The following DLG2 variants were observed in gnomAD, a reference collection of about 807,000 sequenced individuals.
DLG2 encodes the protein disks large homolog 2.
Under a neutral mutation model 132.5 loss-of-function variants are expected in DLG2, and 45 were observed. The ratio of observed to expected loss-of-function variants is 0.34; its 90% confidence interval spans 0.27 to 0.44. DLG2 has a LOEUF of 0.44. Ranked by LOEUF, DLG2 falls within the 20% of genes least tolerant of loss-of-function variation. The pLI is 1.00. For missense variants in DLG2, 1,045 were observed against 1,196.9 expected (o/e 0.87, Z 1.87); for synonymous variants, 424 against 419.6 (o/e 1.01, Z -0.13).
intron 15 of DLG2, among the ~76,000 whole-genome samples, chr11:83,927,917 A>C (rs1339287659): frequency 7.0e-6 from 1 of 142,478 alleles, no homozygotes; most frequent in Admixed American, 6.8e-5. Flanking sequence ...AAACATAGTA[A>C]GGATGACTCT....
intron 6 of DLG2, among the ~76,000 whole-genome samples, chr11:84,946,505 T>C (rs2050215571): frequency 6.6e-6 from 1 of 152,110 alleles, no homozygotes; most frequent in Admixed American, 6.5e-5. Context: ...CAGAAATCTC[T>C]TTCAGGAGCT....
chr11:84,693,723 C>T (rs572209984), intron 6 of DLG2, among the ~76,000 whole-genome samples: 32 of 151,692 alleles, frequency 2.1e-4, no homozygotes, highest in Non-Finnish European at 3.8e-4. Context: ...CCCAGGACTC[C>T]CCTTTATGAA....
At chr11:84,231,778 G>T (rs1292460690) in intron 8 of DLG2, among the ~76,000 whole-genome samples, 2 of 152,152 alleles carry the variant, frequency 1.3e-5, no homozygotes, top group Non-Finnish European at 2.9e-5. Context: ...AACTCAGAGA[G>T]CTATGTGGAC....
At chr11:84,551,670 C>T (rs936942063) in intron 6 of DLG2, among the ~76,000 whole-genome samples, 3 of 152,114 alleles carry the variant, frequency 2.0e-5, no homozygotes, top group Non-Finnish European at 2.9e-5. Context: ...CCTCATTATC[C>T]TTGTAATTCC....
At chr11:83,499,073 T>C (rs1044585887) in intron 21 of DLG2, among the ~76,000 whole-genome samples, 3 of 152,114 alleles carry the variant, frequency 2.0e-5, no homozygotes, top group African/African-American at 7.2e-5. Context: ...TAAAAAATTA[T>C]CCACACAGAA....
intron 20 of DLG2, 90 bp from the exon 21 acceptor site, chr11:83,532,873 TC>T: frequency 9.7e-7 from 1 of 1,029,334 alleles, no homozygotes. Context: ...TTTCCTCCTA[TC>T]CTTGAAGCTC....
intron 14 of DLG2, among the ~76,000 whole-genome samples, chr11:83,932,657 G>A (rs983196984): frequency 1.3e-5 from 2 of 151,854 alleles, no homozygotes; most frequent in African/African-American, 4.8e-5. Context: ...TCTGAACACA[G>A]AAATGGCACA....
intron 18 of DLG2, among the ~76,000 whole-genome samples, chr11:83,760,470 T>G (rs1168375703): frequency 8.2e-6 from 1 of 121,746 alleles, no homozygotes; most frequent in African/African-American, 2.8e-5. Context: ...CCATCTATTC[T>G]TTTTTTTTTT....
At chr11:84,926,720 A>G (rs1160160230) in intron 6 of DLG2, among the ~76,000 whole-genome samples, 2 of 151,988 alleles carry the variant, frequency 1.3e-5, no homozygotes, top group African/African-American at 2.4e-5. Context: ...AACTTATCCA[A>G]TCCAACTATC....
chr11:85,069,241 G>T (rs1445873880), intron 6 of DLG2, among the ~76,000 whole-genome samples: 1 of 152,016 alleles, frequency 6.6e-6, no homozygotes, highest in Non-Finnish European at 1.5e-5. Context: ...CATAGGCATG[G>T]GCAAGGACTT....
intron 17 of DLG2, 116 bp from the exon 18 acceptor site, chr11:83,786,908 C>T (rs2040082081): frequency 2.8e-6 from 2 of 712,108 alleles, no homozygotes; most frequent in African/African-American, 3.6e-5. Context: ...CTCAGAAACC[C>T]CTCATATCCT....
chr11:85,395,502 C>T (rs1266738648), intron 3 of DLG2, among the ~76,000 whole-genome samples: 1 of 152,110 alleles, frequency 6.6e-6, no homozygotes, highest in Non-Finnish European at 1.5e-5. Context: ...CTTTCCTAGC[C>T]AAGGGAAGCC....
At chr11:83,943,055 T>A (rs2083029352) in intron 14 of DLG2, among the ~76,000 whole-genome samples, 1 of 152,200 alleles carries the variant, frequency 6.6e-6, no homozygotes, top group Non-Finnish European at 1.5e-5. Context: ...AAGTTCTCTC[T>A]CTTTGCCTGC....
At chr11:83,994,446 C>A (rs866588983) in intron 11 of DLG2, among the ~76,000 whole-genome samples, 12 of 152,068 alleles carry the variant, frequency 7.9e-5, no homozygotes, top group Admixed American at 3.3e-4. Context: ...GTTGTCCAGG[C>A]TGGACTTAAA....
intron 3 of DLG2, among the ~76,000 whole-genome samples, chr11:85,393,038 C>T (rs1243818988): frequency 6.6e-6 from 1 of 152,108 alleles, no homozygotes; most frequent in East Asian, 1.9e-4. Flanking sequence ...AATTAACAGA[C>T]AACCCATAGA....
At chr11:84,676,356 C>T (rs2099711189) in intron 6 of DLG2, among the ~76,000 whole-genome samples, 1 of 151,916 alleles carries the variant, frequency 6.6e-6, no homozygotes, top group Non-Finnish European at 1.5e-5. Flanking sequence ...TTTAAGAGAA[C>T]CTATGTTTCC....
At chr11:83,581,018 C>T (rs2096966180) in intron 19 of DLG2, among the ~76,000 whole-genome samples, 1 of 149,916 alleles carries the variant, frequency 6.7e-6, no homozygotes, top group Non-Finnish European at 1.5e-5. Flanking sequence ...GCAGAAAGTT[C>T]AACATGTACT....
intron 7 of DLG2, among the ~76,000 whole-genome samples, chr11:84,336,755 T>C (rs2098486574): frequency 1.3e-5 from 2 of 152,186 alleles, no homozygotes; most frequent in Admixed American, 6.5e-5. Flanking sequence ...TCTGTGGCTA[T>C]GTACCTCTTC....
At chr11:85,076,074 G>C (rs187255192) in intron 6 of DLG2, among the ~76,000 whole-genome samples, 1 of 151,962 alleles carries the variant, frequency 6.6e-6, no homozygotes, top group Non-Finnish European at 1.5e-5. Context: ...AAGCTTGTTG[G>C]TCAATCTTTC....
Sources: gnomAD v4.1 joint callset for allele counts (sites outside exome capture counted in the v4.1 genomes callset) on GRCh38, gnomAD v4.1.1 for gene constraint, MANE v1.5 for transcripts, NCBI Gene and HGNC (gene_info 2026-07-23, HGNC 2026-07-21) for gene names.